VPS54: variants seen among roughly 807,000 people sequenced by gnomAD.
The protein encoded by VPS54 is VPS54 subunit of GARP complex.
Under a neutral mutation model 121.5 loss-of-function variants are expected in VPS54, and 45 were observed. The ratio of observed to expected loss-of-function variants is 0.37; its 90% CI spans 0.29 to 0.47. VPS54 has a LOEUF of 0.47. Ranked by LOEUF, VPS54 falls within the 20% of genes least tolerant of loss-of-function variation. The pLI, the probability that VPS54 is intolerant of heterozygous loss-of-function variation, is 0.99. For missense variants in VPS54, 1,090 were observed against 1,131.4 expected (o/e 0.96, Z 0.52); for synonymous variants, 371 against 385.8 (o/e 0.96, Z 0.45).
chr2:63,939,567 T>C (rs568694405), intron 11 of VPS54, among the ~76,000 whole-genome samples: 3 of 152,244 alleles, frequency 2.0e-5, no homozygotes, highest in African/African-American at 7.2e-5. Flanking sequence ...TTTCTGATTA[T>C]AAAAGTAATA....
In VPS54 at chr2:63,949,217, G is replaced by A. The variant is rs138332666; in HGVS notation, c.1011-54C>T. Reference sequence around the variant, plus strand: ...TATATTCACTAAAAACTACAAATTCGCTCCACAATCAAGGGAACTAGTAGG... The same window carrying A: ...TATATTCACTAAAAACTACAAATTCACTCCACAATCAAGGGAACTAGTAGG... On this transcript the variant is annotated intron_variant, in intron 7 of 22. Transcript: ENST00000272322. 850 of 1,546,328 alleles carry A rather than the reference G, an allele frequency of 5.5e-4. 5 individuals are homozygous for A. The African/African-American group carries it at 9.4e-3, about 17-fold the overall frequency.
intron 6 of VPS54, 70 bp from the exon 7 acceptor site, chr2:63,962,513 G>A: frequency 6.8e-7 from 1 of 1,468,844 alleles, no homozygotes; most frequent in Non-Finnish European, 9.1e-7. Flanking sequence ...AATACTTTAT[G>A]ACAATGATAA....
intron 1 of VPS54, among the ~76,000 whole-genome samples, chr2:64,005,396 C>T (rs1172297596): frequency 1.3e-5 from 2 of 152,150 alleles, no homozygotes; most frequent in African/African-American, 2.4e-5. Context: ...AGCCACCGCG[C>T]CCAGCCTACT....
chr2:63,988,822 A>G (rs775787330), intron 1 of VPS54, among the ~76,000 whole-genome samples: 1 of 152,208 alleles, frequency 6.6e-6, no homozygotes, highest in Non-Finnish European at 1.5e-5. Context: ...AACAGGCAGG[A>G]TAACAGCGAT....
intron 1 of VPS54, among the ~76,000 whole-genome samples, chr2:64,012,088 C>G (rs1254989594): frequency 6.6e-6 from 1 of 152,130 alleles, no homozygotes; most frequent in Non-Finnish European, 1.5e-5. Context: ...CTTGGCATTA[C>G]CCTTGCATCT....
chr2:64,016,103 TAG>T (rs1478845409), intron 1 of VPS54, among the ~76,000 whole-genome samples: 3 of 152,222 alleles, frequency 2.0e-5, no homozygotes, highest in African/African-American at 7.2e-5. Flanking sequence ...TGCCAACTAA[TAG>T]CGAGGTAAGC....
intron 12 of VPS54, among the ~76,000 whole-genome samples, chr2:63,930,686 AT>A (rs1193090594): frequency 6.6e-5 from 10 of 152,334 alleles, no homozygotes; most frequent in African/African-American, 9.6e-5. Flanking sequence ...AGAGAAAAAA[AT>A]AAAGGGTATT....
intron 5 of VPS54, 150 bp downstream of exon 5, chr2:63,968,807 A>C: frequency 1.5e-6 from 1 of 661,056 alleles, no homozygotes; most frequent in African/African-American, 1.9e-5. Context: ...AAAGTGAGAA[A>C]GAAAGAAGAA....
chr2:63,970,536 T>C (rs1217558078), intron 4 of VPS54, among the ~76,000 whole-genome samples: 2 of 152,048 alleles, frequency 1.3e-5, no homozygotes, highest in African/African-American at 2.4e-5. Flanking sequence ...ATATATAGTA[T>C]TGAGGTTTCT....
chr2:63,984,820 A>G (rs538852235), intron 1 of VPS54, among the ~76,000 whole-genome samples: 1 of 152,354 alleles, frequency 6.6e-6, no homozygotes, highest in African/African-American at 2.4e-5. Flanking sequence ...AAGACTTTAT[A>G]AATGAAGCAA....
At chr2:63,992,677 T>TA (rs1416939094) in intron 1 of VPS54, among the ~76,000 whole-genome samples, 1 of 152,226 alleles carries the variant, frequency 6.6e-6, no homozygotes, top group Non-Finnish European at 1.5e-5. Context: ...GTGTTTCTAG[T>TA]AAAAAAGAAA....
At chr2:63,991,387 T>G (rs1239288019) in intron 1 of VPS54, among the ~76,000 whole-genome samples, 1 of 152,228 alleles carries the variant, frequency 6.6e-6, no homozygotes, top group Non-Finnish European at 1.5e-5. Flanking sequence ...AAAATTTACC[T>G]GATCACGAGG....
rs376419516 is a variant in VPS54 at position 63,953,460 on chromosome 2, T to C, written c.1011-4297A>G. On this transcript the variant is annotated intron_variant, in intron 7 of 22. Coordinates refer to ENST00000272322, the MANE Select transcript of VPS54 (RefSeq NM_016516.3). ...CCCTAGGAAACTTTAATGCCACAAA[T>C]GTATTATATATCTGTTTATGTACTA... is the stretch of plus-strand genomic sequence containing the variant. Among the ~76,000 whole-genome samples, 52 of 152,258 alleles carry C rather than the reference T, an allele frequency of 3.4e-4. 2 individuals are homozygous for C. In the South Asian group the frequency reaches 0.011, roughly 31 times the overall value.
At chr2:63,930,941 G>A (rs1045262979) in intron 12 of VPS54, among the ~76,000 whole-genome samples, 4 of 152,062 alleles carry the variant, frequency 2.6e-5, no homozygotes, top group African/African-American at 7.2e-5. Context: ...AAAATACCTA[G>A]GAATCCAACT....
At chr2:64,011,337 G>A (rs1243063665) in intron 1 of VPS54, among the ~76,000 whole-genome samples, 1 of 152,162 alleles carries the variant, frequency 6.6e-6, no homozygotes, top group Non-Finnish European at 1.5e-5. Flanking sequence ...GGAGGCTGAG[G>A]CAGGCAGGTC....
chr2:63,988,613 A>G (rs1332796443), intron 1 of VPS54, among the ~76,000 whole-genome samples: 1 of 152,216 alleles, frequency 6.6e-6, no homozygotes, highest in East Asian at 1.9e-4. Flanking sequence ...TGAAGATTTC[A>G]CGGACATTTA....
At chr2:63,966,065 T>A in intron 5 of VPS54, 99 bp from the exon 6 acceptor site, 1 of 1,237,770 alleles carries the variant, frequency 8.1e-7, no homozygotes, top group Non-Finnish European at 1.1e-6. Context: ...AACGTGGATC[T>A]TGAGTATGAA....
At chr2:63,907,301 C>G (rs1672942151) in intron 20 of VPS54, among the ~76,000 whole-genome samples, 1 of 151,980 alleles carries the variant, frequency 6.6e-6, no homozygotes, top group Admixed American at 6.6e-5. Flanking sequence ...GGCAGATCAC[C>G]TGAGGTCGGG....
intron 1 of VPS54, among the ~76,000 whole-genome samples, chr2:64,017,684 T>C (rs1678773306): frequency 6.6e-6 from 1 of 152,266 alleles, no homozygotes. Flanking sequence ...AAAACATTTT[T>C]CATTTATTTA....
Sources: allele counts gnomAD v4.1 joint callset (sites outside exome capture counted in the v4.1 genomes callset), GRCh38; gene constraint gnomAD v4.1.1; transcripts MANE v1.5; gene names NCBI Gene and HGNC (gene_info 2026-07-23, HGNC 2026-07-21).